The following PRKCE variants were observed in gnomAD, a reference collection of about 807,000 sequenced individuals.
PRKCE encodes the protein protein kinase C epsilon, also known as protein kinase C epsilon type.
Under a neutral mutation model 85.4 loss-of-function variants are expected in PRKCE, and 16 were observed. The ratio of observed to expected loss-of-function variants is 0.19; its 90% confidence interval spans 0.13 to 0.28. PRKCE has a LOEUF of 0.28. Ranked by LOEUF, PRKCE falls within the 10% of genes least tolerant of loss-of-function variation. The probability of loss-of-function intolerance (pLI) is 1.00; values close to 1 mark genes in which losing one functional copy is unlikely to be tolerated. For synonymous variants in PRKCE, 388 were observed against 371.5 expected (o/e 1.04, Z -0.51); for missense variants, 573 against 975.2 (o/e 0.59, Z 5.49).
intron 1 of PRKCE, among the ~76,000 whole-genome samples, chr2:45,748,003 A>G (rs967753310): frequency 2.4e-4 from 37 of 152,120 alleles, no homozygotes; most frequent in Non-Finnish European, 1.0e-4. Flanking sequence ...TCCTTTGCCC[A>G]TACTTACATC....
chr2:45,683,167 G>T (rs1193176735), intron 1 of PRKCE, among the ~76,000 whole-genome samples: 1 of 152,178 alleles, frequency 6.6e-6, no homozygotes, highest in East Asian at 1.9e-4. Context: ...GGGAAAGTAA[G>T]TTGATATTCC....
intron 13 of PRKCE, among the ~76,000 whole-genome samples, chr2:46,151,966 C>T (rs1676680140): frequency 6.6e-6 from 1 of 152,226 alleles, no homozygotes; most frequent in Non-Finnish European, 1.5e-5. Flanking sequence ...TGCCCAGGGT[C>T]ACCCCTCTGA....
chr2:45,722,411 C>T (rs1182990156), intron 1 of PRKCE, among the ~76,000 whole-genome samples: 4 of 152,156 alleles, frequency 2.6e-5, no homozygotes, highest in Middle Eastern at 3.4e-3. Flanking sequence ...ACAAAAAAAG[C>T]GTTAGTATTA....
At chr2:45,820,327 G>C (rs1034202805) in intron 1 of PRKCE, among the ~76,000 whole-genome samples, 1 of 152,126 alleles carries the variant, frequency 6.6e-6, no homozygotes, top group African/African-American at 2.4e-5. Flanking sequence ...GTGTGGACCT[G>C]CCTGGTGGGG....
intron 14 of PRKCE, among the ~76,000 whole-genome samples, chr2:46,163,028 A>G (rs1271277663): frequency 6.6e-6 from 1 of 152,252 alleles, no homozygotes; most frequent in Non-Finnish European, 1.5e-5. Context: ...GAAAGCCTCA[A>G]AAGACTAGTG....
intron 1 of PRKCE, among the ~76,000 whole-genome samples, chr2:45,780,093 A>G (rs1352223846): frequency 6.6e-6 from 1 of 152,200 alleles, no homozygotes; most frequent in African/African-American, 2.4e-5. Context: ...ATATAACCAC[A>G]GTGCCATTAT....
intron 10 of PRKCE, among the ~76,000 whole-genome samples, chr2:46,013,677 C>T (rs1705877631): frequency 6.6e-6 from 1 of 152,156 alleles, no homozygotes; most frequent in Non-Finnish European, 1.5e-5. Context: ...GATTGCAATC[C>T]TATTAAGATT....
intron 1 of PRKCE, among the ~76,000 whole-genome samples, chr2:45,835,672 C>T (rs1690806144): frequency 6.6e-6 from 1 of 151,586 alleles, no homozygotes; most frequent in Non-Finnish European, 1.5e-5. Context: ...CTCACTGCAG[C>T]CTCAAACTCC....
chr2:45,983,572 G>C (rs1703066622), intron 5 of PRKCE, among the ~76,000 whole-genome samples: 1 of 152,154 alleles, frequency 6.6e-6, no homozygotes, highest in African/African-American at 2.4e-5. Flanking sequence ...TTCCACCCCT[G>C]AGGTCTCATT....
intron 2 of PRKCE, among the ~76,000 whole-genome samples, chr2:45,967,234 C>T (rs1701792236): frequency 2.0e-5 from 3 of 152,172 alleles, no homozygotes; most frequent in Non-Finnish European, 4.4e-5. Flanking sequence ...AACCCCACTG[C>T]CATGGTCATA....
At chr2:45,816,648 G>A (rs1248293242) in intron 1 of PRKCE, among the ~76,000 whole-genome samples, 2 of 152,130 alleles carry the variant, frequency 1.3e-5, no homozygotes, top group Non-Finnish European at 2.9e-5. Context: ...TGTCTTTGGA[G>A]CAATCTTCCT....
At chr2:46,114,532 G>A (rs4952799) in intron 11 of PRKCE, among the ~76,000 whole-genome samples, 45,791 of 148,350 alleles carry the variant, frequency 0.31, 7,063 homozygotes, top group Middle Eastern at 0.45. Flanking sequence ...ATTCTCCCGC[G>A]TCAGCCTCCT....
In PRKCE at chr2:45,822,008, C is replaced by T. The variant is rs555514034; in HGVS notation, c.349-20992C>T. The stretch of plus-strand genomic sequence containing the variant: ...TTAGTGACTGAGGAGCTCTGAGGTG[C>T]GGGGCGTGGGAGGACCTGTAGCCGG... On this transcript the variant is annotated intron_variant, in intron 1 of 14. Transcript: ENST00000306156. Among the ~76,000 whole-genome samples the T allele has an allele frequency of 1.3e-3, 204 of 152,206 alleles. 1 individual carries two copies. The highest frequency in any genetic ancestry group is 4.7e-3 in the African/African-American group (195 of 41,522).
At chr2:45,726,879 C>T (rs763575068) in intron 1 of PRKCE, among the ~76,000 whole-genome samples, 1 of 152,176 alleles carries the variant, frequency 6.6e-6, no homozygotes, top group South Asian at 2.1e-4. Context: ...AATTCCAGGG[C>T]TGACTTTGCT....
chr2:45,732,216 G>T (rs1681639560), intron 1 of PRKCE, among the ~76,000 whole-genome samples: 1 of 152,116 alleles, frequency 6.6e-6, no homozygotes. Flanking sequence ...CCTAGGGCAG[G>T]CAAAGGGCTC....
At chr2:45,881,466 A>C (rs1247679464) in intron 2 of PRKCE, among the ~76,000 whole-genome samples, 1 of 152,196 alleles carries the variant, frequency 6.6e-6, no homozygotes, top group Non-Finnish European at 1.5e-5. Flanking sequence ...TTAAGTACCC[A>C]AGTCAGAAAT....
intron 2 of PRKCE, among the ~76,000 whole-genome samples, chr2:45,968,102 T>A (rs1283188034): frequency 2.0e-5 from 3 of 152,208 alleles, no homozygotes; most frequent in Non-Finnish European, 4.4e-5. Flanking sequence ...TGACCCTTGT[T>A]CTTGGCTCCA....
At chr2:45,854,826 A>T (rs550553535) in intron 2 of PRKCE, among the ~76,000 whole-genome samples, 1 of 152,336 alleles carries the variant, frequency 6.6e-6, no homozygotes, top group South Asian at 2.1e-4. Flanking sequence ...AATGTGGCCA[A>T]GTGGAATAGA....
At chr2:45,750,036 G>C (rs1370156239) in intron 1 of PRKCE, among the ~76,000 whole-genome samples, 1 of 152,064 alleles carries the variant, frequency 6.6e-6, no homozygotes, top group Non-Finnish European at 1.5e-5. Flanking sequence ...GATTTTTCTA[G>C]GCTCTTAAGC....
Sources: allele counts gnomAD v4.1 joint callset (sites outside exome capture counted in the v4.1 genomes callset), GRCh38; gene constraint gnomAD v4.1.1; transcripts MANE v1.5; gene names NCBI Gene and HGNC (gene_info 2026-07-23, HGNC 2026-07-21).